Variants in SASH1 observed in about 807,000 individuals in gnomAD.
The protein encoded by SASH1 is SAM and SH3 domain containing 1.
Under a neutral mutation model 125.2 loss-of-function variants are expected in SASH1, and 44 were observed. That is an observed-to-expected ratio of 0.35 (90% CI 0.28 to 0.45). The LOEUF (loss-of-function observed/expected upper bound fraction) is 0.45, where lower values mean the gene tolerates loss of function less well. Among genes scored for constraint, SASH1 ranks in the 20% least tolerant of loss-of-function variants. The pLI, the probability that SASH1 is intolerant of heterozygous loss-of-function variation, is 1.00. For missense variants in SASH1, 1,426 were observed against 1,614.5 expected, an observed-to-expected ratio of 0.88 and a Z score of 2.00; for synonymous variants, 639 against 649.1, an observed-to-expected ratio of 0.98 and a Z score of 0.24.
rs796565408 is a variant in SASH1, at chr6:148,524,121, A to ATTTTTTT, written c.1210-1168_1210-1162dup. Among the ~76,000 whole-genome samples, 498 of 128,570 alleles carry ATTTTTTT rather than the reference A, an allele frequency of 3.9e-3. 10 individuals carry two copies. Among genetic ancestry groups the ATTTTTTT allele is most frequent in the African/African-American group, 0.013 (470 of 35,706 alleles). 84.3% of individuals were successfully genotyped at this position (128,570 alleles called of 152,430 possible). ...ATTATATATATATATATATATATAT[A>ATTTTTTT]TTTTTTTTAATGAATAAGCAATGCT... On this transcript the variant is annotated intron_variant, in intron 10 of 19. Coordinates refer to ENST00000367467, the MANE Select transcript of SASH1 (RefSeq NM_015278.5).
At chr6:148,439,198 G>T (rs1448540873) in intron 2 of SASH1, among the ~76,000 whole-genome samples, 1 of 152,096 alleles carries the variant, frequency 6.6e-6, no homozygotes, top group Non-Finnish European at 1.5e-5. Context: ...TGAAATGAGG[G>T]TGTTACACCA....
the SASH1 span, among the ~76,000 whole-genome samples, chr6:148,227,992 G>A: frequency 1.3e-5 from 2 of 152,106 alleles, no homozygotes; most frequent in Non-Finnish European, 2.9e-5. Flanking sequence ...GGCCAAGACT[G>A]GCAGACACAA....
the SASH1 span, among the ~76,000 whole-genome samples, chr6:148,240,946 C>T: frequency 6.6e-6 from 1 of 152,136 alleles, no homozygotes. Context: ...TTTCCCACAT[C>T]ATTATTTTTG....
the SASH1 span, among the ~76,000 whole-genome samples, chr6:148,246,504 C>A: frequency 6.6e-6 from 1 of 152,200 alleles, no homozygotes; most frequent in Admixed American, 6.5e-5. Flanking sequence ...TCCCAGGACT[C>A]ATTTATTCTT....
At chr6:148,528,153 G>C (rs1219224324) in intron 12 of SASH1, among the ~76,000 whole-genome samples, 1 of 152,124 alleles carries the variant, frequency 6.6e-6, no homozygotes, top group Non-Finnish European at 1.5e-5. Flanking sequence ...TAGCCATGAA[G>C]GAAGGTATCA....
chr6:148,465,727 C>T (rs1777803017), intron 4 of SASH1, among the ~76,000 whole-genome samples: 1 of 152,044 alleles, frequency 6.6e-6, no homozygotes, highest in Non-Finnish European at 1.5e-5. Context: ...AAGTACAGCA[C>T]AGTAAGATTT....
chr6:148,413,030 C>T (rs1784688224), intron 2 of SASH1, among the ~76,000 whole-genome samples: 1 of 152,102 alleles, frequency 6.6e-6, no homozygotes, highest in Non-Finnish European at 1.5e-5. Context: ...CAGTTCTTTA[C>T]TTTTAATTTA....
chr6:148,201,772 T>C, the SASH1 span, among the ~76,000 whole-genome samples: 3 of 152,004 alleles, frequency 2.0e-5, no homozygotes, highest in African/African-American at 7.2e-5. Context: ...ACAAACAGCC[T>C]GAGAATAAAG....
chr6:148,470,657 C>G (rs538476828), intron 5 of SASH1, among the ~76,000 whole-genome samples: 57 of 152,232 alleles, frequency 3.7e-4, no homozygotes, highest in Non-Finnish European at 7.6e-4. Context: ...AATTTGTTTT[C>G]ACTTGAAAGT....
At chr6:148,439,742 A>C (rs1583162429) in intron 2 of SASH1, among the ~76,000 whole-genome samples, 1 of 151,382 alleles carries the variant, frequency 6.6e-6, no homozygotes, top group African/African-American at 2.4e-5. Flanking sequence ...ATGCCACTGC[A>C]CTCCAGCCTG....
chr6:148,280,873 G>A (rs1299336117), intron 1 of SASH1, among the ~76,000 whole-genome samples: 1 of 152,090 alleles, frequency 6.6e-6, no homozygotes, highest in African/African-American at 2.4e-5. Context: ...CCGGCATAGA[G>A]AATATGGCAT....
chr6:148,237,401 C>G, the SASH1 span, among the ~76,000 whole-genome samples: 1 of 152,164 alleles, frequency 6.6e-6, no homozygotes, highest in Non-Finnish European at 1.5e-5. Context: ...CTACATTACT[C>G]TCTATCTATA....
chr6:148,443,877 G>A (rs768123841), intron 4 of SASH1, among the ~76,000 whole-genome samples: 1 of 152,206 alleles, frequency 6.6e-6, no homozygotes, highest in Non-Finnish European at 1.5e-5. Flanking sequence ...GAGCCTTGCT[G>A]TTGAGTACAG....
chr6:148,208,270 T>C, the SASH1 span, among the ~76,000 whole-genome samples: 1 of 152,210 alleles, frequency 6.6e-6, no homozygotes, highest in African/African-American at 2.4e-5. Flanking sequence ...GCCAGTGCGA[T>C]GCTAAGGGAA....
At chr6:148,228,166 C>T in the SASH1 span, among the ~76,000 whole-genome samples, 1 of 152,174 alleles carries the variant, frequency 6.6e-6, no homozygotes, top group Non-Finnish European at 1.5e-5. Flanking sequence ...GAGTTACCTA[C>T]TCCAGCAGGG....
chr6:148,199,731 TGA>T, the SASH1 span, among the ~76,000 whole-genome samples: 2 of 115,100 alleles, frequency 1.7e-5, no homozygotes, highest in African/African-American at 6.8e-5. Flanking sequence ...GAAGGGAGAG[TGA>T]GAGAGAGAGG....
intron 2 of SASH1, among the ~76,000 whole-genome samples, chr6:148,401,660 G>A (rs1445492092): frequency 2.6e-5 from 4 of 152,288 alleles, no homozygotes; most frequent in East Asian, 3.9e-4. Context: ...TTGTGCTACA[G>A]CAATGTCATC....
intron 1 of SASH1, among the ~76,000 whole-genome samples, chr6:148,326,682 A>T (rs904851602): frequency 1.3e-5 from 2 of 151,902 alleles, no homozygotes; most frequent in Non-Finnish European, 2.9e-5. Flanking sequence ...GATTACAGGC[A>T]TGAGCCACCT....
chr6:148,527,760 C>A (rs116118153), intron 12 of SASH1, among the ~76,000 whole-genome samples, 164 bp downstream of exon 12: 55 of 152,302 alleles, frequency 3.6e-4, no homozygotes, highest in African/African-American at 1.3e-3. Flanking sequence ...ATTCAACACA[C>A]GTTTATTAAG....
Sources: allele counts gnomAD v4.1 joint callset (sites outside exome capture counted in the v4.1 genomes callset), GRCh38; gene constraint gnomAD v4.1.1; transcripts MANE v1.5; gene names NCBI Gene and HGNC (gene_info 2026-07-23, HGNC 2026-07-21).